Variants in CASP8 observed in about 807,000 individuals in gnomAD.
The protein encoded by CASP8 is caspase-8.
In CASP8, 24 loss-of-function variants were observed where a neutral mutation model predicts 46.3. The observed-to-expected ratio is 0.52, with a 90% CI of 0.38 to 0.73. The LOEUF (loss-of-function observed/expected upper bound fraction) is 0.73, where lower values mean the gene tolerates loss of function less well. Among genes scored for constraint, CASP8 ranks in the 30% least tolerant of loss-of-function variants. CASP8 has a pLI of 0.00. For missense variants in CASP8, 460 were observed against 559.0 expected (o/e 0.82, Z 1.79); for synonymous variants, 188 against 200.4 (o/e 0.94, Z 0.52).
chr2:201,275,016 C>CTTT (rs35508730), intron 6 of CASP8, 63 bp downstream of exon 6: 98 of 968,850 alleles, frequency 1.0e-4, no homozygotes, highest in Middle Eastern at 4.8e-4. Context: ...AATTTGTTAG[C>CTTT]TTTTTTTTTT....
chr2:201,254,872 C>T (rs35033414), intron 2 of CASP8, among the ~76,000 whole-genome samples: 2,751 of 152,312 alleles, frequency 0.018, 64 homozygotes, highest in South Asian at 0.13. Context: ...GGAGCCAGCT[C>T]TCCATGTCCC....
chr2:201,270,183 T>C (rs2125214479), intron 2 of CASP8, among the ~76,000 whole-genome samples: 1 of 152,342 alleles, frequency 6.6e-6, no homozygotes, highest in South Asian at 2.1e-4. Context: ...TCGACAAGCA[T>C]ATTCCAAGAG....
At chr2:201,248,428 C>T (rs769721432) in intron 2 of CASP8, among the ~76,000 whole-genome samples, 1 of 152,190 alleles carries the variant, frequency 6.6e-6, no homozygotes, top group Non-Finnish European at 1.5e-5. Flanking sequence ...CAAGTAGCAA[C>T]ATCATCAATT....
At position 201,272,851 on chromosome 2, in the gene CASP8, A is replaced by T; in HGVS notation, c.551-47A>T. 6.2e-7 allele frequency: 1 copy of T among 1,613,640 alleles called. No homozygotes were observed. Among genetic ancestry groups the T allele is most frequent in the Non-Finnish European group, 8.5e-7 (1 of 1,179,488 alleles). On this transcript the variant is annotated intron_variant, in intron 4 of 8. Coordinates refer to ENST00000673742, the MANE Select transcript of CASP8 (RefSeq NM_001372051.1). The surrounding 1 kb of genome is among the most constrained non-coding windows in gnomAD (Gnocchi z 4.4). ...AAACTGACAAATCGCTCCATATCAC[A>T]GTTGTTTCTAATCAAATATTGTTTG...
chr2:201,257,508 G>A (rs1179963317), upstream of CASP8, among the ~76,000 whole-genome samples: 1 of 149,222 alleles, frequency 6.7e-6, no homozygotes, highest in African/African-American at 2.5e-5. Context: ...TGAGAGAACA[G>A]GGGAGGGTCT....
intron 2 of CASP8, among the ~76,000 whole-genome samples, chr2:201,269,349 A>G (rs981087408): frequency 1.3e-5 from 2 of 152,164 alleles, no homozygotes; most frequent in African/African-American, 4.8e-5. Context: ...GGAGAACACT[A>G]TTCAACCAGT....
At chr2:201,233,474 T>C in exon 1 of CASP8, 1 of 152,358 alleles carries the variant, frequency 6.6e-6, no homozygotes. Flanking sequence ...TGTTTCACCT[T>C]GTGTCTGAGC....
chr2:201,235,294 A>G lies in CASP8; in HGVS notation c.-27+1182A>G, dbSNP rs1033372899. ...CAGTGTTTCGGTGTTCTTATACTTG[A>G]AATGTGTCTGCCGTAAGTGGTGTAT... On this transcript the variant is annotated intron_variant, in intron 2 of 6. Coordinates refer to the CASP8 transcript ENST00000264274. 2.6e-5 allele frequency among the ~76,000 whole-genome samples: 4 copies of G among 152,064 alleles called. No homozygotes were observed. The South Asian group carries it at 6.2e-4, about 24-fold the overall frequency.
intron 2 of CASP8, among the ~76,000 whole-genome samples, chr2:201,239,633 C>T (rs1946217890): frequency 6.6e-6 from 1 of 152,138 alleles, no homozygotes; most frequent in Non-Finnish European, 1.5e-5. Context: ...ATTGATTGTG[C>T]TTTGGGTTCA....
At chr2:201,235,306 C>T (rs1174363361) in intron 2 of CASP8, among the ~76,000 whole-genome samples, 1 of 151,828 alleles carries the variant, frequency 6.6e-6, no homozygotes, top group Non-Finnish European at 1.5e-5. Context: ...ATGTGTCTGC[C>T]GTAAGTGGTG....
At chr2:201,270,123 A>G (rs1239570843) in intron 2 of CASP8, among the ~76,000 whole-genome samples, 3 of 152,218 alleles carry the variant, frequency 2.0e-5, no homozygotes, top group Admixed American at 2.0e-4. Context: ...CCTTTACACC[A>G]TAGTATTGAA....
chr2:201,237,085 ATTTTTT>A (rs34775964), intron 2 of CASP8, among the ~76,000 whole-genome samples: 7 of 88,084 alleles, frequency 7.9e-5, no homozygotes, highest in East Asian at 5.9e-4. Context: ...ACCCCTTTCT[ATTTTTT>A]TTTTTTTTTT....
intron 2 of CASP8, among the ~76,000 whole-genome samples, chr2:201,243,910 G>C (rs915492594): frequency 1.3e-5 from 2 of 152,156 alleles, no homozygotes; most frequent in African/African-American, 4.8e-5. Flanking sequence ...GAAGGGTCGG[G>C]GGGCAGCAAT....
In CASP8 at chr2:201,276,982, C is replaced by A; in HGVS notation, c.802+14C>A. On this transcript the variant is annotated intron_variant, in intron 7 of 8. Coordinates refer to ENST00000673742, the MANE Select transcript of CASP8 (RefSeq NM_001372051.1). ...ACTTGGATGCAGGTACAGTAGAACC[C>A]AAAAGAGAAAAGTAAAATATTTCTT... is the stretch of plus-strand genomic sequence containing the variant. The A allele has an allele frequency of 1.3e-6, 2 of 1,591,650 alleles. No homozygotes were observed. Among genetic ancestry groups the A allele is most frequent in the African/African-American group, 1.3e-5 (1 of 74,258 alleles).
intron 2 of CASP8, among the ~76,000 whole-genome samples, chr2:201,236,423 C>T (rs1946047674): frequency 6.6e-6 from 1 of 152,048 alleles, no homozygotes; most frequent in Non-Finnish European, 1.5e-5. Flanking sequence ...TAACAAATTC[C>T]TGACGCCATG....
chr2:201,279,666 G>A (rs778773412), intron 7 of CASP8, among the ~76,000 whole-genome samples: 3 of 152,118 alleles, frequency 2.0e-5, no homozygotes, highest in East Asian at 1.9e-4. Flanking sequence ...GCTCTAATAC[G>A]AAAGAGAGGT....
intron 8 of CASP8, 72 bp downstream of exon 8, chr2:201,285,389 A>G: frequency 6.5e-7 from 1 of 1,537,528 alleles, no homozygotes; most frequent in South Asian, 1.1e-5. Flanking sequence ...ACTACTATCT[A>G]CTCATATTCA....
At chr2:201,246,946 C>A (rs1946549472) in intron 2 of CASP8, among the ~76,000 whole-genome samples, 2 of 151,948 alleles carry the variant, frequency 1.3e-5, no homozygotes, top group Non-Finnish European at 2.9e-5. Context: ...CCTGTAATCC[C>A]AGCACTTTGG....
Position 201,286,542 on chromosome 2 carries a change from T to A in CASP8, c.1388T>A (p.Met463Lys). 6.2e-7 allele frequency: 1 copy of A among 1,614,084 alleles called. No homozygotes were observed. The highest frequency in any genetic ancestry group is 1.1e-5 in the South Asian group (1 of 91,090). Residue 463 changes from methionine (M) to lysine (K), a missense_variant, in exon 9 of 9, where the codon ATG (methionine) becomes AAG (lysine). Coordinates refer to ENST00000673742, the MANE Select transcript of CASP8 (RefSeq NM_001372051.1). ...KDDKKNMGKQMPQPTFTLRKK... is the reference protein window; with the variant it reads ...KDDKKNMGKQKPQPTFTLRKK... ...GACAAGAAAAACATGGGGAAACAGA[T>A]GCCTCAGCCTACTTTCACACTAAGA...
Sources: allele counts gnomAD v4.1 joint callset (sites outside exome capture counted in the v4.1 genomes callset), GRCh38; gene constraint gnomAD v4.1.1; non-coding constraint Gnocchi (gnomAD v3.1); transcripts MANE v1.5; gene names NCBI Gene and HGNC (gene_info 2026-07-23, HGNC 2026-07-21).